TRPM3: variants seen among roughly 807,000 people sequenced by gnomAD.
The protein encoded by TRPM3 is transient receptor potential cation channel subfamily M member 3.
Under a neutral mutation model 181.2 loss-of-function variants are expected in TRPM3, and 77 were observed. The observed-to-expected ratio is 0.42, with a 90% CI of 0.35 to 0.51. The LOEUF is 0.51. Ranked by LOEUF, TRPM3 falls within the 20% of genes least tolerant of loss-of-function variation. The pLI is 0.01. For synonymous variants in TRPM3, 745 were observed against 796.4 expected, an observed-to-expected ratio of 0.94 and a Z score of 1.09; for missense variants, 1,759 against 2,196.7, an observed-to-expected ratio of 0.80 and a Z score of 3.98.
intron 1 of TRPM3, among the ~76,000 whole-genome samples, chr9:71,393,221 TAA>T (rs1373141470): frequency 1.3e-5 from 2 of 152,100 alleles, no homozygotes; most frequent in East Asian, 3.9e-4. Context: ...TCTATAGCAA[TAA>T]AACAGCCAAG....
chr9:70,569,910 C>G (rs947137554), intron 22 of TRPM3, among the ~76,000 whole-genome samples: 1 of 151,990 alleles, frequency 6.6e-6, no homozygotes, highest in Non-Finnish European at 1.5e-5. Flanking sequence ...TTGCTTCTGC[C>G]TTGCTTAGGT....
At chr9:70,605,278 C>T (rs1202663965) in intron 19 of TRPM3, among the ~76,000 whole-genome samples, 1 of 152,010 alleles carries the variant, frequency 6.6e-6, no homozygotes, top group Admixed American at 6.6e-5. Flanking sequence ...TAATATGACT[C>T]CAAGGTATCT....
At chr9:70,648,101 T>C (rs1484834610) in intron 9 of TRPM3, among the ~76,000 whole-genome samples, 2 of 152,194 alleles carry the variant, frequency 1.3e-5, no homozygotes. Context: ...ATTACTATTG[T>C]TAAAATGGCC....
intron 1 of TRPM3, among the ~76,000 whole-genome samples, chr9:70,872,964 G>A (rs1285050411): frequency 6.6e-6 from 1 of 151,808 alleles, no homozygotes; most frequent in Non-Finnish European, 1.5e-5. Context: ...TGATAGTTAG[G>A]TTTATATTAA....
At chr9:71,151,948 T>C (rs942227815) in intron 1 of TRPM3, among the ~76,000 whole-genome samples, 1 of 152,066 alleles carries the variant, frequency 6.6e-6, no homozygotes, top group Non-Finnish European at 1.5e-5. Flanking sequence ...AAATGAAAAA[T>C]GTATGTTATA....
At chr9:70,782,998 CTATT>C (rs1656390539) in intron 7 of TRPM3, among the ~76,000 whole-genome samples, 1 of 151,938 alleles carries the variant, frequency 6.6e-6, no homozygotes, top group Non-Finnish European at 1.5e-5. Context: ...TGCTCAGTCT[CTATT>C]TAAATAAAGC....
At chr9:70,629,217 G>GGGGCA (rs1422449676) in intron 12 of TRPM3, among the ~76,000 whole-genome samples, 1 of 59,240 alleles carries the variant, frequency 1.7e-5, no homozygotes, top group Non-Finnish European at 3.5e-5. Context: ...ACCAGTGCCG[G>GGGGCA]GGGGGGGGGG....
At chr9:71,366,669 A>C (rs927372754) in intron 1 of TRPM3, among the ~76,000 whole-genome samples, 1 of 152,204 alleles carries the variant, frequency 6.6e-6, no homozygotes, top group African/African-American at 2.4e-5. Flanking sequence ...GCAGTGGCTC[A>C]TGGGAAGAGC....
intron 1 of TRPM3, chr9:70,917,283 G>A: frequency 1.4e-6 from 2 of 1,418,390 alleles, no homozygotes; most frequent in South Asian, 2.3e-5. Context: ...TAGTCAATTA[G>A]GAAGCGAAAG....
At chr9:70,698,273 G>C (rs893506134) in intron 8 of TRPM3, among the ~76,000 whole-genome samples, 1 of 151,310 alleles carries the variant, frequency 6.6e-6, no homozygotes, top group African/African-American at 2.4e-5. Context: ...GATTCTCCAT[G>C]TAACAGCAGA....
rs1057005974 is a variant in TRPM3 at position 70,769,250 on chromosome 9, C to G, written c.1149-7526G>C. ...TCTCCTGCCACTCTGTCACACATAT[C>G]CCATAAATACTGAATCTCCCAAGCC... On this transcript the variant is annotated intron_variant, in intron 7 of 25. Coordinates refer to ENST00000677713, the MANE Select transcript of TRPM3 (RefSeq NM_001366145.2). Among the ~76,000 whole-genome samples, 3 of 152,106 alleles carry G rather than the reference C, an allele frequency of 2.0e-5. No homozygotes were observed. The East Asian group carries it at 5.8e-4, about 29-fold the overall frequency.
At chr9:70,957,343 C>T (rs2097088725) in intron 1 of TRPM3, among the ~76,000 whole-genome samples, 2 of 152,110 alleles carry the variant, frequency 1.3e-5, no homozygotes, top group South Asian at 2.1e-4. Context: ...AGAAGGAGAA[C>T]CCATGAACTG....
chr9:70,989,489 C>A (rs2097455596), intron 1 of TRPM3, among the ~76,000 whole-genome samples: 1 of 152,158 alleles, frequency 6.6e-6, no homozygotes, highest in African/African-American at 2.4e-5. Flanking sequence ...AAACAGCAAG[C>A]CCCAAAGGTT....
At chr9:70,809,641 C>T (rs2091483615) in intron 6 of TRPM3, among the ~76,000 whole-genome samples, 2 of 152,122 alleles carry the variant, frequency 1.3e-5, no homozygotes, top group African/African-American at 4.8e-5. Flanking sequence ...TGTATAAGTA[C>T]ACTCTATGAT....
At chr9:71,160,958 A>G (rs893188692) in intron 1 of TRPM3, among the ~76,000 whole-genome samples, 3 of 152,126 alleles carry the variant, frequency 2.0e-5, no homozygotes, top group African/African-American at 7.2e-5. Flanking sequence ...ACTCCTCCCA[A>G]TTCAATGTAA....
intron 1 of TRPM3, among the ~76,000 whole-genome samples, chr9:71,251,614 C>T (rs755396379): frequency 2.5e-4 from 38 of 151,958 alleles, no homozygotes; most frequent in Non-Finnish European, 4.3e-4. Flanking sequence ...ATATATGGGG[C>T]ACATGAGATA....
chr9:71,208,060 T>C (rs964164107), intron 1 of TRPM3, among the ~76,000 whole-genome samples: 24 of 152,182 alleles, frequency 1.6e-4, no homozygotes, highest in Admixed American at 3.9e-4. Flanking sequence ...ATTTCAATTC[T>C]GTTCAATTTT....
intron 1 of TRPM3, among the ~76,000 whole-genome samples, chr9:71,354,475 ATTTCC>A (rs1394237397): frequency 7.2e-5 from 11 of 152,292 alleles, no homozygotes; most frequent in South Asian, 2.1e-4. Context: ...AGAACTATGC[ATTTCC>A]CACAGCTTAT....
At chr9:70,571,747 T>C (rs2052455456) in intron 22 of TRPM3, among the ~76,000 whole-genome samples, 1 of 152,220 alleles carries the variant, frequency 6.6e-6, no homozygotes, top group Non-Finnish European at 1.5e-5. Context: ...GTGCTTGATA[T>C]GTAGAAAGCA....
Sources: allele counts gnomAD v4.1 joint callset (sites outside exome capture counted in the v4.1 genomes callset), GRCh38; gene constraint gnomAD v4.1.1; transcripts MANE v1.5; gene names NCBI Gene and HGNC (gene_info 2026-07-23, HGNC 2026-07-21).